NBEA: variants seen among roughly 807,000 people sequenced by gnomAD.
The protein encoded by NBEA is neurobeachin.
Under a neutral mutation model 343.4 loss-of-function variants are expected in NBEA, and 44 were observed. That is an observed-to-expected ratio of 0.13 (90% CI 0.10 to 0.16). The LOEUF (loss-of-function observed/expected upper bound fraction) is 0.16, where lower values mean the gene tolerates loss of function less well. Among genes scored for constraint, NBEA ranks in the 10% least tolerant of loss-of-function variants. The pLI, the probability that NBEA is intolerant of heterozygous loss-of-function variation, is 1.00. For missense variants in NBEA, 2,555 were observed against 3,631.3 expected, an observed-to-expected ratio of 0.70 and a Z score of 7.62; for synonymous variants, 1,175 against 1,238.7, an observed-to-expected ratio of 0.95 and a Z score of 1.08.
intron 1 of NBEA, among the ~76,000 whole-genome samples, chr13:35,018,705 C>T (rs1566170093): frequency 6.6e-6 from 1 of 152,100 alleles, no homozygotes; most frequent in Non-Finnish European, 1.5e-5. Context: ...TTACATCTTC[C>T]TTTCCAATCT....
chr13:35,491,789 C>G (rs2076509282), intron 41 of NBEA, among the ~76,000 whole-genome samples: 1 of 151,822 alleles, frequency 6.6e-6, no homozygotes, highest in African/African-American at 2.4e-5. Context: ...GGAATATGAT[C>G]CAATAGGAAT....
At chr13:35,142,455 T>C in intron 18 of NBEA, 78 bp downstream of exon 18, 2 of 900,716 alleles carry the variant, frequency 2.2e-6, no homozygotes, top group Non-Finnish European at 3.3e-6. Flanking sequence ...TTGAGATGAG[T>C]AGTTGGTCTG....
intron 34 of NBEA, among the ~76,000 whole-genome samples, chr13:35,278,339 CTAT>C (rs931272495): frequency 1.3e-5 from 2 of 151,762 alleles, no homozygotes; most frequent in Non-Finnish European, 2.9e-5. Flanking sequence ...TTTTCTCTAC[CTAT>C]TATTGTATTG....
At chr13:35,327,435 A>G (rs748978894) in intron 36 of NBEA, among the ~76,000 whole-genome samples, 15 of 152,136 alleles carry the variant, frequency 9.9e-5, no homozygotes, top group Non-Finnish European at 1.8e-4. Flanking sequence ...ACCATGGAAT[A>G]CTATGCAGCC....
intron 31 of NBEA, 147 bp downstream of exon 31, chr13:35,196,449 C>A (rs41292201): frequency 0.034 from 25,994 of 766,466 alleles, 608 homozygotes; most frequent in Non-Finnish European, 0.04. Context: ...TCAACCTAAT[C>A]TTATAATAAG....
intron 44 of NBEA, among the ~76,000 whole-genome samples, chr13:35,558,292 T>C (rs1409715176): frequency 2.0e-5 from 3 of 152,122 alleles, no homozygotes; most frequent in Non-Finnish European, 2.9e-5. Flanking sequence ...AATTTTATAA[T>C]GTATAAAAAA....
At chr13:35,144,995 A>G (rs1295217913) in intron 18 of NBEA, among the ~76,000 whole-genome samples, 2 of 152,214 alleles carry the variant, frequency 1.3e-5, no homozygotes, top group African/African-American at 4.8e-5. Context: ...TGGTTTGAGC[A>G]GTGGGATTAT....
chr13:35,122,830 G>A (rs1189876282), intron 16 of NBEA, among the ~76,000 whole-genome samples: 2 of 152,214 alleles, frequency 1.3e-5, no homozygotes, highest in East Asian at 3.9e-4. Context: ...ATGTTGACTA[G>A]CCTTTCTGAA....
At chr13:35,176,646 T>G (rs965860352) in intron 27 of NBEA, among the ~76,000 whole-genome samples, 1 of 151,976 alleles carries the variant, frequency 6.6e-6, no homozygotes, top group Non-Finnish European at 1.5e-5. Flanking sequence ...AAAAGCATGA[T>G]GGATAAATGA....
intron 41 of NBEA, among the ~76,000 whole-genome samples, chr13:35,503,967 C>T (rs1279320202): frequency 6.6e-6 from 1 of 152,032 alleles, no homozygotes. Context: ...GGAACAAATA[C>T]ATGATTTGAA....
intron 34 of NBEA, among the ~76,000 whole-genome samples, chr13:35,241,524 G>C (rs1024839525): frequency 2.0e-5 from 3 of 151,620 alleles, no homozygotes; most frequent in African/African-American, 7.3e-5. Context: ...AGATACAAAA[G>C]CGTAAAGTGT....
intron 38 of NBEA, among the ~76,000 whole-genome samples, chr13:35,404,559 C>T (rs61948743): frequency 0.13 from 17,430 of 137,736 alleles, 1,163 homozygotes; most frequent in African/African-American, 0.19. Flanking sequence ...ACAATGAGAA[C>T]ACATGGACAC....
intron 1 of NBEA, among the ~76,000 whole-genome samples, chr13:34,987,860 T>A (rs2060610541): frequency 1.3e-5 from 2 of 151,192 alleles, no homozygotes. Context: ...ATTTAAATTC[T>A]TCTATGCACT....
At chr13:35,100,345 A>G (rs2065580410) in intron 11 of NBEA, among the ~76,000 whole-genome samples, 1 of 152,008 alleles carries the variant, frequency 6.6e-6, no homozygotes. Flanking sequence ...CATTGGTAGC[A>G]TTTCTTTATT....
At chr13:35,069,490 T>G (rs1196111760) in intron 8 of NBEA, among the ~76,000 whole-genome samples, 3 of 152,316 alleles carry the variant, frequency 2.0e-5, no homozygotes, top group Admixed American at 2.0e-4. Flanking sequence ...TAACTTTTTA[T>G]AGCCTCAAAT....
At chr13:35,110,503 G>A (rs1158951093) in intron 12 of NBEA, among the ~76,000 whole-genome samples, 1 of 151,904 alleles carries the variant, frequency 6.6e-6, no homozygotes, top group Non-Finnish European at 1.5e-5. Context: ...AGCTTTAGTT[G>A]ACTTTTAAAA....
At chr13:35,499,452 T>C (rs933061039) in intron 41 of NBEA, among the ~76,000 whole-genome samples, 3 of 152,072 alleles carry the variant, frequency 2.0e-5, no homozygotes, top group African/African-American at 4.8e-5. Context: ...AAAGCTCTCT[T>C]GATCATGTTC....
chr13:35,307,035 A>AT (rs968805756), intron 35 of NBEA, among the ~76,000 whole-genome samples: 3 of 151,936 alleles, frequency 2.0e-5, no homozygotes, highest in Non-Finnish European at 4.4e-5. Flanking sequence ...AGTGTTTGTG[A>AT]TTTTCCCCAA....
At chr13:35,025,053 C>T (rs919621674) in intron 1 of NBEA, among the ~76,000 whole-genome samples, 4 of 152,058 alleles carry the variant, frequency 2.6e-5, no homozygotes, top group African/African-American at 9.7e-5. Context: ...GTTCATATTT[C>T]TTATAGATTC....
Sources: allele counts gnomAD v4.1 joint callset (sites outside exome capture counted in the v4.1 genomes callset), GRCh38; gene constraint gnomAD v4.1.1; transcripts MANE v1.5; gene names NCBI Gene and HGNC (gene_info 2026-07-23, HGNC 2026-07-21).